The following EHD2 variants were observed in gnomAD, a reference collection of about 807,000 sequenced individuals.
EHD2 encodes the protein EH domain containing 2.
In EHD2, 27 loss-of-function variants were observed where a neutral mutation model predicts 41.0. That is an observed-to-expected ratio of 0.66 (90% confidence interval 0.49 to 0.91). The LOEUF (loss-of-function observed/expected upper bound fraction) is 0.91. Among genes scored for constraint, EHD2 ranks in the 40% least tolerant of loss-of-function variants. The probability of loss-of-function intolerance (pLI) is 0.00; values close to 1 mark genes in which losing one functional copy is unlikely to be tolerated. For synonymous variants in EHD2, 342 were observed against 341.0 expected (o/e 1.00, Z -0.03); for missense variants, 673 against 773.9 (o/e 0.87, Z 1.55).
intron 4 of EHD2, 87 bp from the exon 5 acceptor site, chr19:47,736,282 A>C: frequency 7.8e-7 from 1 of 1,276,994 alleles, no homozygotes; most frequent in Non-Finnish European, 1.1e-6. Flanking sequence ...GTAAATCAGA[A>C]TCTCTGGGAG....
At position 47,716,686 on chromosome 19, in the gene EHD2, T is replaced by C; in HGVS notation, c.74T>C (p.Leu25Pro). 1 of 1,609,120 alleles carries C rather than the reference T, an allele frequency of 6.2e-7. No individual in the cohort carries two copies. Among genetic ancestry groups the C allele is most frequent in the Non-Finnish European group, 8.5e-7 (1 of 1,177,812 alleles). ...GCCATCCGCACGGTGACCTCGGCCC[T>C]CAAGGAGCTGTACCGCACGAAGCTG... The part of the protein sequence containing the change: ...PEAIRTVTSA[L>P]KELYRTKLLP... The change falls in exon 2 of 6, where the codon CTC (leucine) becomes CCC (proline). Residue 25 changes from leucine (L) to proline (P), a missense_variant. Physicochemically the swap from Leu to Pro is moderately conservative, Grantham distance 98. Transcript: ENST00000263277.
intron 3 of EHD2, among the ~76,000 whole-genome samples, chr19:47,721,779 G>A (rs1973699138): frequency 6.6e-6 from 1 of 151,994 alleles, no homozygotes; most frequent in Non-Finnish European, 1.5e-5. Context: ...GAGGTCAGGA[G>A]TTCGAGACCA....
Position 47,722,057 on chromosome 19 carries a change from C to CACACACACAG in EHD2, c.502+3451_502+3452insACACACACAG, listed in dbSNP as rs71180871. The stretch of plus-strand genomic sequence containing the variant: ...ACACACACACACACACACACACACA[C>CACACACACAG]TGGGAATAATAATACTAGCGGCCTC... On this transcript the variant is annotated intron_variant, in intron 3 of 5. Transcript: ENST00000263277. 5.6e-3 allele frequency among the ~76,000 whole-genome samples: 807 copies of CACACACACAG among 144,656 alleles called. 24 individuals carry two copies. Among genetic ancestry groups the CACACACACAG allele is most frequent in the Non-Finnish European group, 9.4e-3 (619 of 65,844 alleles). The allele number at this position is 144,656 out of a possible 152,430, so 94.9% of individuals were successfully genotyped here. A position where few individuals can be genotyped will look rare whatever the true frequency, so the allele number is the denominator to read the frequency against.
chr19:47,738,922 C>G (rs1966953150), intron 5 of EHD2, among the ~76,000 whole-genome samples: 3 of 152,154 alleles, frequency 2.0e-5, no homozygotes, highest in South Asian at 4.1e-4. Context: ...AAGTCCACCC[C>G]TACACCCCAA....
At chr19:47,736,102 A>G (rs2123657255) in intron 4 of EHD2, among the ~76,000 whole-genome samples, 1 of 152,322 alleles carries the variant, frequency 6.6e-6, no homozygotes, top group South Asian at 2.1e-4. Context: ...AGCCTGAGAC[A>G]GGAGAATTGC....
At chr19:47,739,157 T>C (rs1160271858) in intron 5 of EHD2, among the ~76,000 whole-genome samples, 1 of 151,962 alleles carries the variant, frequency 6.6e-6, no homozygotes, top group African/African-American at 2.4e-5. Context: ...TGGAGTACAG[T>C]GTGGTGCTAT....
At chr19:47,715,269 C>T (rs1973613770) in intron 1 of EHD2, among the ~76,000 whole-genome samples, 1 of 152,010 alleles carries the variant, frequency 6.6e-6, no homozygotes, top group Non-Finnish European at 1.5e-5. Flanking sequence ...ATTTCTCACC[C>T]CTCCTCTTTG....
chr19:47,718,412 C>T (rs1973653631), intron 2 of EHD2, 97 bp from the exon 3 acceptor site: 9 of 1,048,910 alleles, frequency 8.6e-6, no homozygotes, highest in Non-Finnish European at 1.3e-5. Flanking sequence ...ATAAAGGATG[C>T]TTTGCCATGC....
intron 2 of EHD2, among the ~76,000 whole-genome samples, 181 bp downstream of exon 2, chr19:47,717,197 A>G (rs1388221174): frequency 2.0e-5 from 3 of 152,028 alleles, no homozygotes; most frequent in Non-Finnish European, 4.4e-5. Flanking sequence ...ACAGACACCC[A>G]CCACCACGCC....
At chr19:47,728,074 C>T (rs6509336) in intron 4 of EHD2, among the ~76,000 whole-genome samples, 65,966 of 144,746 alleles carry the variant, frequency 0.46, 16,505 homozygotes, top group African/African-American at 0.68. Context: ...CCAGCCTAGG[C>T]GACAGAACGA....
intron 3 of EHD2, among the ~76,000 whole-genome samples, chr19:47,723,653 GAAA>G (rs11407002): frequency 0.023 from 1,636 of 71,312 alleles, 19 homozygotes; most frequent in South Asian, 0.061. Flanking sequence ...GACTCCGTCT[GAAA>G]AAAAAAAAAA....
At position 47,723,112 on chromosome 19, in the gene EHD2, C is replaced by T. The variant is rs1357499022; in HGVS notation, c.503-2700C>T. Among the ~76,000 whole-genome samples, 2 of 152,194 alleles carry T rather than the reference C, an allele frequency of 1.3e-5. 1 individual carries two copies. The highest frequency in any genetic ancestry group is 1.3e-4 in the Admixed American group (2 of 15,274). Reference sequence around the variant, plus strand: ...GGCTGGGGGTTGGGTCAGGCACTGGCCCTGGGCTCCCACAGCTCCCTGGAT... The same window carrying T: ...GGCTGGGGGTTGGGTCAGGCACTGGTCCTGGGCTCCCACAGCTCCCTGGAT... On this transcript the variant is annotated intron_variant, in intron 3 of 5. Coordinates refer to ENST00000263277, the MANE Select transcript of EHD2 (RefSeq NM_014601.4).
chr19:47,731,279 A>AAAAAAAAATATATATATAT, intron 4 of EHD2: 1 of 60,932 alleles, frequency 1.6e-5, no homozygotes, highest in African/African-American at 4.9e-5. Context: ...AAAAAAAAAA[A>AAAAAAAAATATATATATAT]ATATATATAT....
Position 47,716,995 on chromosome 19 carries a change from T to G in EHD2, c.383T>G (p.Phe128Cys). The G allele has an allele frequency of 6.2e-7, 1 of 1,601,054 alleles. No individual in the cohort carries two copies. Among genetic ancestry groups the G allele is most frequent in the Non-Finnish European group, 8.5e-7 (1 of 1,179,898 alleles). The change falls in exon 2 of 6, where the codon TTC becomes TGC. Residue 128 changes from phenylalanine to cysteine, a missense_variant. Transcript: ENST00000263277. ...AAGCCCTTCCGCAAACTCAACCCTT[T>G]CGGAAACACCTTCCTCAACAGGTGT... ...PDKPFRKLNP[F>C]GNTFLNRFMC... is the part of the protein sequence containing the mutation.
At position 47,742,011 on chromosome 19, in the gene EHD2, C is replaced by T. The variant is rs1966995910; in HGVS notation, c.*579C>T. Reference sequence around the variant, plus strand: ...CCGGCTCCATCACATCCTCAGGTCTCGGGACCATGGGGGGCTCAGAGGGGA... The same window carrying T: ...CCGGCTCCATCACATCCTCAGGTCTTGGGACCATGGGGGGCTCAGAGGGGA... On this transcript the variant is annotated 3_prime_UTR_variant, in exon 6 of 6. Coordinates refer to ENST00000263277, the MANE Select transcript of EHD2 (RefSeq NM_014601.4). 1.1e-5 allele frequency: 5 copies of T among 453,412 alleles called. No individual in the cohort carries two copies. The highest frequency in any genetic ancestry group is 4.0e-5 in the African/African-American group (2 of 49,960). The allele number at this position is 453,412 out of a possible 1,614,324, so 28.1% of individuals were successfully genotyped here.
intron 3 of EHD2, among the ~76,000 whole-genome samples, chr19:47,722,009 AACACACACAC>A (rs201572396): frequency 0.052 from 6,764 of 130,670 alleles, 200 homozygotes; most frequent in Non-Finnish European, 0.068. Flanking sequence ...AGAAAAACAA[AACACACACAC>A]ACACACACAC....
chr19:47,731,145 T>C (rs1397214909), intron 4 of EHD2, among the ~76,000 whole-genome samples: 2 of 150,422 alleles, frequency 1.3e-5, no homozygotes, highest in Non-Finnish European at 3.0e-5. Context: ...ATGCACTTGA[T>C]GTGTTTGAAC....
At chr19:47,720,186 CAG>C (rs1346194528) in intron 3 of EHD2, among the ~76,000 whole-genome samples, 1 of 151,406 alleles carries the variant, frequency 6.6e-6, no homozygotes, top group African/African-American at 2.4e-5. Flanking sequence ...GTTTTTGAGA[CAG>C]AGTCTCACTC....
chr19:47,739,742 C>G (rs1032861669), intron 5 of EHD2, among the ~76,000 whole-genome samples: 4 of 151,668 alleles, frequency 2.6e-5, no homozygotes, highest in African/African-American at 9.7e-5. Context: ...GCCACCCAAG[C>G]CTGCTGAGTT....
Sources: gnomAD v4.1 joint callset for allele counts (sites outside exome capture counted in the v4.1 genomes callset) on GRCh38, gnomAD v4.1.1 for gene constraint, MANE v1.5 for transcripts, NCBI Gene and HGNC (gene_info 2026-07-23, HGNC 2026-07-21) for gene names.